NPY2R: variants seen among roughly 807,000 people sequenced by gnomAD.
The protein encoded by NPY2R is neuropeptide Y receptor type 2.
A neutral mutation model predicts 22.3 loss-of-function variants in NPY2R; 17 were observed. That is an observed-to-expected ratio of 0.76 (90% CI 0.52 to 1.14). NPY2R has a LOEUF of 1.14. Among genes scored for constraint, NPY2R ranks in the 50% most tolerant of loss-of-function variants. NPY2R has a pLI of 0.00. For synonymous variants in NPY2R, 209 were observed against 183.4 expected (o/e 1.14, Z -1.13); for missense variants, 424 against 467.9 (o/e 0.91, Z 0.87).
the NPY2R span, among the ~76,000 whole-genome samples, chr4:155,203,047 T>G: frequency 6.6e-6 from 1 of 152,154 alleles, no homozygotes; most frequent in Non-Finnish European, 1.5e-5. Flanking sequence ...GGTTCCTTAC[T>G]AGTATCAATA....
chr4:155,199,664 C>T, the NPY2R span, among the ~76,000 whole-genome samples: 5 of 152,010 alleles, frequency 3.3e-5, no homozygotes, highest in Non-Finnish European at 7.4e-5. Flanking sequence ...TGTACCAAAA[C>T]AGAAATATAG....
Position 155,214,910 on chromosome 4 carries a change from T to TCTATGG in NPY2R, c.974_979dup (p.Tyr325_Gly326dup). On this transcript the variant is annotated inframe_insertion, in exon 2 of 2. Coordinates refer to ENST00000329476, the MANE Select transcript of NPY2R (RefSeq NM_000910.4). ...TGCTCCACTTTTGCCAATCCCCTTCTCTATGGCTGGATGAACAGCAACTAC... is the reference window on the plus strand; with the variant it reads ...TGCTCCACTTTTGCCAATCCCCTTCTCTATGGCTATGGCTGGATGAACAGCAACTAC... 1 of 1,613,798 alleles carries TCTATGG rather than the reference T, an allele frequency of 6.2e-7. No homozygotes were observed. Among genetic ancestry groups the TCTATGG allele is most frequent in the Non-Finnish European group, 8.5e-7 (1 of 1,179,772 alleles).
the NPY2R span, among the ~76,000 whole-genome samples, chr4:155,187,555 A>T: frequency 2.0e-5 from 3 of 151,888 alleles, no homozygotes; most frequent in Non-Finnish European, 4.4e-5. Flanking sequence ...GCAGCGTGAG[A>T]GAGAGAGAGA....
chr4:155,191,106 G>A, the NPY2R span, among the ~76,000 whole-genome samples: 1 of 151,794 alleles, frequency 6.6e-6, no homozygotes, highest in South Asian at 2.1e-4. Context: ...AAGCACATTT[G>A]CGTTTTTGAA....
chr4:155,189,755 C>A, the NPY2R span, among the ~76,000 whole-genome samples: 2 of 151,882 alleles, frequency 1.3e-5, no homozygotes, highest in Admixed American at 6.6e-5. Context: ...AGGGACCCTA[C>A]TCCTATGTTT....
chr4:155,211,996 G>C (rs1729414140), intron 1 of NPY2R, among the ~76,000 whole-genome samples: 1 of 152,186 alleles, frequency 6.6e-6, no homozygotes, highest in Non-Finnish European at 1.5e-5. Context: ...GAATCCCAAG[G>C]ACTTGGAGCT....
the NPY2R span, among the ~76,000 whole-genome samples, chr4:155,188,449 C>G: frequency 6.6e-6 from 1 of 152,126 alleles, no homozygotes; most frequent in African/African-American, 2.4e-5. Context: ...TTCCTGATTT[C>G]CCCTGTCTCC....
the NPY2R span, among the ~76,000 whole-genome samples, chr4:155,179,060 A>G: frequency 2.0e-5 from 3 of 151,988 alleles, no homozygotes; most frequent in African/African-American, 7.2e-5. Flanking sequence ...ATTTAGTGAT[A>G]TTTTTATTTT....
At chr4:155,189,419 T>A in the NPY2R span, among the ~76,000 whole-genome samples, 5 of 151,968 alleles carry the variant, frequency 3.3e-5, no homozygotes, top group African/African-American at 1.2e-4. Context: ...CTAGCCCCCA[T>A]CTGTTTGTAT....
At chr4:155,178,742 G>A in the NPY2R span, among the ~76,000 whole-genome samples, 1 of 152,162 alleles carries the variant, frequency 6.6e-6, no homozygotes, top group Non-Finnish European at 1.5e-5. Flanking sequence ...ATTTATTAAT[G>A]AAGTCCCCCT....
chr4:155,194,909 C>T, the NPY2R span, among the ~76,000 whole-genome samples: 1 of 151,958 alleles, frequency 6.6e-6, no homozygotes, highest in Admixed American at 6.6e-5. Context: ...TATTTTCTGA[C>T]TTTTTCATAA....
At chr4:155,192,715 T>C in the NPY2R span, among the ~76,000 whole-genome samples, 7,848 of 152,018 alleles carry the variant, frequency 0.052, 243 homozygotes, top group Middle Eastern at 0.095. Context: ...CTTGAAAATA[T>C]GCAAGACTTC....
the NPY2R span, among the ~76,000 whole-genome samples, chr4:155,185,765 T>C: frequency 8.7e-6 from 1 of 114,916 alleles, no homozygotes; most frequent in Admixed American, 8.6e-5. Flanking sequence ...GAGAGAATCA[T>C]GTGTGCCTGG....
rs369176614 is a variant in NPY2R at position 155,214,566 on chromosome 4, C to T, written c.627C>T (p.Gly209=). Residue 209 remains glycine, a synonymous_variant, in exon 2 of 2, where the codon GGC becomes GGT. Coordinates refer to ENST00000329476, the MANE Select transcript of NPY2R (RefSeq NM_000910.4). ...TGGCCTGTACTGAAAAGTGGCCTGG[C>T]GAGGAGAAGAGCATCTATGGCACTG... ...EIVACTEKWP[G]EEKSIYGTVY... The T allele has an allele frequency of 1.7e-5, 28 of 1,614,104 alleles. No individual in the cohort carries two copies. The highest frequency in any genetic ancestry group is 6.7e-5 in the East Asian group (3 of 44,866).
At chr4:155,195,133 T>A in the NPY2R span, among the ~76,000 whole-genome samples, 6 of 152,088 alleles carry the variant, frequency 3.9e-5, no homozygotes, top group East Asian at 9.7e-4. Flanking sequence ...ACTAAATGTA[T>A]TTTAACATTG....
upstream of NPY2R, among the ~76,000 whole-genome samples, chr4:155,205,715 A>G (rs1729269677): frequency 6.6e-6 from 1 of 152,188 alleles, no homozygotes; most frequent in Non-Finnish European, 1.5e-5. Flanking sequence ...TGGTAGTAGA[A>G]CTATGTTTTA....
At chr4:155,185,046 T>TA in the NPY2R span, among the ~76,000 whole-genome samples, 7 of 64,860 alleles carry the variant, frequency 1.1e-4, no homozygotes, top group African/African-American at 3.9e-4. Context: ...ATATATATAT[T>TA]TTTTTTTTCC....
upstream of NPY2R, among the ~76,000 whole-genome samples, chr4:155,205,397 T>C (rs1479863955): frequency 1.3e-5 from 2 of 152,226 alleles, no homozygotes; most frequent in Non-Finnish European, 2.9e-5. Flanking sequence ...ATCTTTGCTG[T>C]TAAAATGAAA....
At chr4:155,206,102 C>G (rs763333201), upstream of NPY2R, among the ~76,000 whole-genome samples, 1 of 152,172 alleles carries the variant, frequency 6.6e-6, no homozygotes, top group Non-Finnish European at 1.5e-5. Flanking sequence ...ATTTTCCACT[C>G]TCTCCTACAA....
Sources: allele counts gnomAD v4.1 joint callset (sites outside exome capture counted in the v4.1 genomes callset), GRCh38; gene constraint gnomAD v4.1.1; transcripts MANE v1.5; gene names NCBI Gene and HGNC (gene_info 2026-07-23, HGNC 2026-07-21).